Variants in UBE2G2 observed in about 807,000 individuals in gnomAD.
UBE2G2 encodes the protein ubiquitin-conjugating enzyme E2 G2.
A neutral mutation model predicts 23.0 loss-of-function variants in UBE2G2; 10 were observed. The observed-to-expected ratio is 0.43, with a 90% CI of 0.27 to 0.74. The LOEUF is 0.74. Among genes scored for constraint, UBE2G2 ranks in the 30% least tolerant of loss-of-function variants. The probability of loss-of-function intolerance (pLI) is 0.19; values close to 1 mark genes in which losing one functional copy is unlikely to be tolerated. For synonymous variants in UBE2G2, 86 were observed against 81.3 expected (o/e 1.06, Z -0.31); for missense variants, 150 against 218.3 (o/e 0.69, Z 1.97).
intron 1 of UBE2G2, among the ~76,000 whole-genome samples, chr21:44,790,074 CAT>C (rs2083031312): frequency 6.6e-6 from 1 of 152,150 alleles, no homozygotes; most frequent in African/African-American, 2.4e-5. Context: ...CTAATAAGCA[CAT>C]GAGAAAATGC....
intron 3 of UBE2G2, among the ~76,000 whole-genome samples, chr21:44,787,006 C>T (rs997461386): frequency 2.6e-5 from 4 of 151,728 alleles, no homozygotes; most frequent in Non-Finnish European, 4.4e-5. Context: ...GCAGGAGAAT[C>T]GCTTGAACCC....
intron 3 of UBE2G2, among the ~76,000 whole-genome samples, chr21:44,781,270 T>C (rs782360565): frequency 2.6e-5 from 4 of 152,116 alleles, no homozygotes; most frequent in Admixed American, 6.5e-5. Flanking sequence ...GGGGGAAGGA[T>C]AAGCACCTCC....
At chr21:44,796,127 T>G (rs1040829717) in intron 1 of UBE2G2, among the ~76,000 whole-genome samples, 1 of 152,220 alleles carries the variant, frequency 6.6e-6, no homozygotes, top group Non-Finnish European at 1.5e-5. Context: ...CACTTCTACC[T>G]GGGTCTATCT....
intron 5 of UBE2G2, among the ~76,000 whole-genome samples, chr21:44,773,163 T>C (rs960446109): frequency 8.5e-5 from 13 of 152,178 alleles, no homozygotes; most frequent in African/African-American, 3.1e-4. Context: ...TGCATCCCAC[T>C]GGCCTCTAAC....
chr21:44,787,100 AAAAAG>A (rs1336542522), intron 3 of UBE2G2, among the ~76,000 whole-genome samples: 3 of 152,066 alleles, frequency 2.0e-5, no homozygotes, highest in Non-Finnish European at 4.4e-5. Flanking sequence ...CTCAAAAAAA[AAAAAG>A]AAAGAAAGAA....
chr21:44,801,749 G>T lies in UBE2G2; in HGVS notation c.-1C>A. 1 of 1,519,990 alleles carries T rather than the reference G, an allele frequency of 6.6e-7. No homozygotes were observed. The highest frequency in any genetic ancestry group is 2.7e-5 in the East Asian group (1 of 36,420). 94.2% of individuals were successfully genotyped at this position (1,519,990 alleles called of 1,614,324 possible). On this transcript the variant is annotated 5_prime_UTR_variant, in exon 1 of 6. Transcript: ENST00000345496. ...GCCTCTTGAGCGCGGTCCCCGCCAT[G>T]GCCCCGCAACAGCTGCGCCGAGCGA...
At chr21:44,799,895 T>C (rs1416537667) in intron 1 of UBE2G2, 1 of 152,258 alleles carries the variant, frequency 6.6e-6, no homozygotes, top group Non-Finnish European at 1.5e-5. Context: ...CTTCAACACT[T>C]GAGCCCACTG....
In UBE2G2 at chr21:44,770,307, T is replaced by TA. The variant is rs1308182605; in HGVS notation, c.*1069dup. The TA allele has an allele frequency of 1.3e-4, 20 of 152,368 alleles. No individual in the cohort carries two copies. In the South Asian group the frequency reaches 2.9e-3, roughly 22 times the overall value. 9.4% of individuals were successfully genotyped at this position (152,368 alleles called of 1,614,324 possible). ...CCAGAAGAAACTTTCATTGAAACTTTAAAGACCTCACCTGCACCTGCTCTA... is the reference window on the plus strand; with the variant it reads ...CCAGAAGAAACTTTCATTGAAACTTTAAAAGACCTCACCTGCACCTGCTCTA... On this transcript the variant is annotated 3_prime_UTR_variant, in exon 6 of 6. Transcript: ENST00000345496.
chr21:44,792,072 G>A (rs1262019915), intron 1 of UBE2G2, among the ~76,000 whole-genome samples: 1 of 152,220 alleles, frequency 6.6e-6, no homozygotes, highest in Non-Finnish European at 1.5e-5. Flanking sequence ...CATTGGTAAT[G>A]GGAGTATTTA....
At chr21:44,799,320 C>T (rs2083117438) in intron 1 of UBE2G2, among the ~76,000 whole-genome samples, 1 of 152,222 alleles carries the variant, frequency 6.6e-6, no homozygotes, top group Non-Finnish European at 1.5e-5. Context: ...CAGTCATTGA[C>T]TTCTCTCTAG....
intron 1 of UBE2G2, among the ~76,000 whole-genome samples, chr21:44,797,424 A>C (rs1341402304): frequency 6.6e-6 from 1 of 152,220 alleles, no homozygotes; most frequent in African/African-American, 2.4e-5. Flanking sequence ...TCTTCTCAAT[A>C]AAAATGAGAA....
chr21:44,781,462 C>T (rs1036549414), intron 3 of UBE2G2, among the ~76,000 whole-genome samples: 2 of 152,222 alleles, frequency 1.3e-5, no homozygotes, highest in South Asian at 4.1e-4. Flanking sequence ...CACACACAGC[C>T]CCCACACTGG....
At chr21:44,787,089 T>TC (rs2083001896) in intron 3 of UBE2G2, among the ~76,000 whole-genome samples, 2 of 95,506 alleles carry the variant, frequency 2.1e-5, no homozygotes, top group South Asian at 7.0e-4. Context: ...CGAAACTCCA[T>TC]CTCAAAAAAA....
chr21:44,774,485 T>A (rs1555960327), intron 4 of UBE2G2: 1 of 245,318 alleles, frequency 4.1e-6, no homozygotes, highest in Non-Finnish European at 8.2e-6. Context: ...ATAGCAATTT[T>A]AAAATACATT....
In UBE2G2 at chr21:44,771,619, G is replaced by C; in HGVS notation, c.386-130C>G. ...TGTGTCCCAGAAACAAAGAACCTGA[G>C]AACTGCATGGGGTCGGCCCCACCTC... On this transcript the variant is annotated intron_variant, in intron 5 of 5. Coordinates refer to ENST00000345496, the MANE Select transcript of UBE2G2 (RefSeq NM_003343.6). The surrounding 1 kb of genome is among the most constrained non-coding windows in gnomAD (Gnocchi z 4.6). 1 of 958,152 alleles carries C rather than the reference G, an allele frequency of 1.0e-6. No homozygotes were observed. Among genetic ancestry groups the C allele is most frequent in the East Asian group, 2.4e-5 (1 of 40,840 alleles). 59.4% of individuals were successfully genotyped at this position (958,152 alleles called of 1,614,324 possible). A position where few individuals can be genotyped will look rare whatever the true frequency, so the allele number is the denominator to read the frequency against.
intron 1 of UBE2G2, among the ~76,000 whole-genome samples, chr21:44,795,403 G>A (rs896135894): frequency 3.3e-5 from 5 of 152,172 alleles, no homozygotes; most frequent in South Asian, 2.1e-4. Flanking sequence ...AGGCCAAGAC[G>A]GGCAGATTGC....
At chr21:44,779,000 A>G (rs1555960962) in intron 3 of UBE2G2, 4 of 189,694 alleles carry the variant, frequency 2.1e-5, no homozygotes, top group African/African-American at 9.6e-5. Flanking sequence ...TAGATTTCTT[A>G]AAAGTAAAAA....
At chr21:44,779,376 G>T (rs1424309638) in intron 3 of UBE2G2, among the ~76,000 whole-genome samples, 1 of 135,460 alleles carries the variant, frequency 7.4e-6, no homozygotes, top group Admixed American at 7.4e-5. Context: ...TGGGGTGGGG[G>T]GGGGGTACTG....
chr21:44,768,665 A>G lies in UBE2G2; in HGVS notation c.*2712T>C, dbSNP rs991930069. The G allele has an allele frequency of 6.6e-6, 1 of 152,286 alleles. No individual in the cohort carries two copies. The highest frequency in any genetic ancestry group is 1.5e-5 in the Non-Finnish European group (1 of 68,054). 9.4% of individuals were successfully genotyped at this position (152,286 alleles called of 1,614,324 possible). A position where few individuals can be genotyped will look rare whatever the true frequency, so the allele number is the denominator to read the frequency against. ...TCTCATCGCAACCAACCGTGACCACAGAGGACCACAGAGGAGTGATGACAG... is the reference window on the plus strand; with the variant it reads ...TCTCATCGCAACCAACCGTGACCACGGAGGACCACAGAGGAGTGATGACAG... On this transcript the variant is annotated 3_prime_UTR_variant, in exon 6 of 6. Coordinates refer to ENST00000345496, the MANE Select transcript of UBE2G2 (RefSeq NM_003343.6).
Sources: gnomAD v4.1 joint callset for allele counts (sites outside exome capture counted in the v4.1 genomes callset) on GRCh38, gnomAD v4.1.1 for gene constraint, Gnocchi (gnomAD v3.1) non-coding constraint, MANE v1.5 for transcripts, NCBI Gene and HGNC (gene_info 2026-07-23, HGNC 2026-07-21) for gene names.